CSNK1G2: variants seen among roughly 807,000 people sequenced by gnomAD.
CSNK1G2 encodes casein kinase 1 gamma 2.
Under a neutral mutation model 48.0 loss-of-function variants are expected in CSNK1G2, and 11 were observed. The ratio of observed to expected loss-of-function variants is 0.23; its 90% CI spans 0.14 to 0.38. The LOEUF (loss-of-function observed/expected upper bound fraction) is 0.38. Among genes scored for constraint, CSNK1G2 ranks in the 10% least tolerant of loss-of-function variants. CSNK1G2 has a pLI of 1.00. For missense variants in CSNK1G2, 446 were observed against 595.5 expected (o/e 0.75, Z 2.61); for synonymous variants, 337 against 254.1 (o/e 1.33, Z -3.10).
At chr19:1,950,472 TCAG>T (rs2014725305) in intron 1 of CSNK1G2, among the ~76,000 whole-genome samples, 1 of 147,006 alleles carries the variant, frequency 6.8e-6, no homozygotes, top group Non-Finnish European at 1.5e-5. Context: ...AAAAGAGAAC[TCAG>T]CAGTGTTGGA....
Position 1,978,777 on chromosome 19 carries a change from G to C in CSNK1G2, c.447+27G>C, listed in dbSNP as rs1475866943. 3.2e-6 allele frequency: 5 copies of C among 1,569,998 alleles called. No individual in the cohort carries two copies. In the African/African-American group the frequency reaches 6.8e-5, roughly 21 times the overall value. On this transcript the variant is annotated intron_variant, in intron 5 of 11. Transcript: ENST00000255641. The surrounding 1 kb of genome is among the most constrained non-coding windows in gnomAD (Gnocchi z 7.3). The stretch of plus-strand genomic sequence containing the variant: ...TGCGCGGCGGGCGGGGCGGGGCGGG[G>C]CTCGGAGGGAAGAGGGTGGCCCTGG...
intron 2 of CSNK1G2, chr19:1,975,240 G>A: frequency 1.0e-6 from 1 of 985,486 alleles, no homozygotes; most frequent in Non-Finnish European, 1.2e-6. Flanking sequence ...GCATCCGCCT[G>A]CCCGTCAGGG....
chr19:1,962,395 C>G (rs1203570101), intron 1 of CSNK1G2, among the ~76,000 whole-genome samples: 2 of 149,564 alleles, frequency 1.3e-5, no homozygotes, highest in African/African-American at 2.5e-5. Context: ...GTGGGGTCAC[C>G]ACAGCTCACG....
chr19:1,967,388 G>A (rs576569544), intron 1 of CSNK1G2, among the ~76,000 whole-genome samples: 6 of 152,278 alleles, frequency 3.9e-5, no homozygotes, highest in African/African-American at 1.4e-4. Context: ...GCACATCTGG[G>A]GCACAGCAGC....
rs1019301510 is a variant in CSNK1G2 at position 1,957,810 on chromosome 19, C to T, written c.-265-11698C>T. Reference sequence around the variant, plus strand: ...CCGTGTGTGGGGGGTATGTGCTCGGCGGGCGCCGTGTTTGTGGGGTGGGAG... The same window carrying T: ...CCGTGTGTGGGGGGTATGTGCTCGGTGGGCGCCGTGTTTGTGGGGTGGGAG... On this transcript the variant is annotated intron_variant, in intron 1 of 11. Coordinates refer to ENST00000255641, the MANE Select transcript of CSNK1G2 (RefSeq NM_001319.7). The surrounding 1 kb of genome is among the most constrained non-coding windows in gnomAD (Gnocchi z 5.4). 2.0e-5 allele frequency among the ~76,000 whole-genome samples: 3 copies of T among 150,748 alleles called. No homozygotes were observed. Among genetic ancestry groups the T allele is most frequent in the Non-Finnish European group, 4.4e-5 (3 of 67,630 alleles).
intron 1 of CSNK1G2, among the ~76,000 whole-genome samples, chr19:1,964,896 T>A (rs912627979): frequency 6.6e-5 from 10 of 151,468 alleles, no homozygotes; most frequent in Non-Finnish European, 1.3e-4. Flanking sequence ...CAGCTAATGT[T>A]TTTGTAATTT....
chr19:1,945,637 C>T (rs1489534087), intron 1 of CSNK1G2, among the ~76,000 whole-genome samples: 2 of 152,190 alleles, frequency 1.3e-5, no homozygotes, highest in South Asian at 2.1e-4. Context: ...GTCTGGCCAA[C>T]ATGGCAAAAC....
intron 1 of CSNK1G2, among the ~76,000 whole-genome samples, chr19:1,965,194 G>T (rs1440442447): frequency 2.0e-5 from 3 of 147,120 alleles, no homozygotes; most frequent in Admixed American, 6.8e-5. Context: ...AGGAGATCGA[G>T]ACCACAGTGA....
chr19:1,962,638 G>A (rs568502097), intron 1 of CSNK1G2, among the ~76,000 whole-genome samples: 1 of 152,310 alleles, frequency 6.6e-6, no homozygotes, highest in African/African-American at 2.4e-5. Flanking sequence ...GCTCCAGCCT[G>A]GGCGACAGAG....
intron 1 of CSNK1G2, among the ~76,000 whole-genome samples, chr19:1,967,627 G>A (rs998990940): frequency 5.3e-5 from 8 of 152,156 alleles, no homozygotes; most frequent in Middle Eastern, 3.4e-3. Flanking sequence ...CCACCCGAGC[G>A]TCCAGTTAAC....
rs998761535 is a variant in CSNK1G2 at position 1,971,891 on chromosome 19, T to A, written c.187+1932T>A. On this transcript the variant is annotated intron_variant, in intron 2 of 11. Coordinates refer to ENST00000255641, the MANE Select transcript of CSNK1G2 (RefSeq NM_001319.7). Reference sequence around the variant, plus strand: ...TTCACGCCATTCTCCTGCCTCAGCCTCCCGAGTAGCTGGGACTACAGGCGC... The same window carrying A: ...TTCACGCCATTCTCCTGCCTCAGCCACCCGAGTAGCTGGGACTACAGGCGC... Among the ~76,000 whole-genome samples the A allele has an allele frequency of 2.7e-5, 4 of 149,306 alleles. No individual in the cohort carries two copies. The Admixed American group carries it at 2.7e-4, about 10-fold the overall frequency.
intron 8 of CSNK1G2, 28 bp downstream of exon 8, chr19:1,979,431 T>TGGCGC: frequency 1.1e-6 from 1 of 938,054 alleles, no homozygotes; most frequent in Non-Finnish European, 1.6e-6. Context: ...CCCCGCCCTG[T>TGGCGC]GCCCCCCACC....
At chr19:1,967,666 G>C (rs78795858) in intron 1 of CSNK1G2, among the ~76,000 whole-genome samples, 16,615 of 128,290 alleles carry the variant, frequency 0.13, 3,511 homozygotes, top group African/African-American at 0.4. Flanking sequence ...CAGTTCTGCA[G>C]GTGGGGCTCC....
intron 1 of CSNK1G2, among the ~76,000 whole-genome samples, chr19:1,950,416 G>A (rs1031870357): frequency 1.4e-5 from 2 of 147,310 alleles, no homozygotes; most frequent in Non-Finnish European, 3.0e-5. Flanking sequence ...TGGGATTACA[G>A]GCGTGAGCCA....
chr19:1,978,697 C>T lies in CSNK1G2; in HGVS notation c.394C>T (p.Leu132=). The T allele has an allele frequency of 6.2e-7, 1 of 1,600,834 alleles. No individual in the cohort carries two copies. The highest frequency in any genetic ancestry group is 1.3e-5 in the African/African-American group (1 of 74,466). Residue 132 remains leucine (L), a synonymous_variant, in exon 5 of 12, where the codon CTG becomes TTG. Coordinates refer to ENST00000255641, the MANE Select transcript of CSNK1G2 (RefSeq NM_001319.7). This position sits in a 1 kb window ranked among gnomAD's most constrained non-coding sequence, Gnocchi z 7.3. ...GCCCAGCCTGGAGGACCTGTTCGAC[C>T]TGTGCGACCGGACCTTCACGCTCAA... is the stretch of plus-strand genomic sequence containing the variant. ...LGPSLEDLFD[L]CDRTFTLKTV... is the part of the protein sequence containing the mutation.
intron 2 of CSNK1G2, among the ~76,000 whole-genome samples, chr19:1,970,816 G>C (rs951964414): frequency 6.6e-6 from 1 of 152,334 alleles, no homozygotes; most frequent in East Asian, 1.9e-4. Flanking sequence ...GGGTCCCTGG[G>C]AAAGAGCGCA....
rs953165739 is a variant in CSNK1G2 at position 1,975,171 on chromosome 19, C to T, written c.188-3134C>T. 21 of 985,456 alleles carry T rather than the reference C, an allele frequency of 2.1e-5. No individual in the cohort carries two copies. In the African/African-American group the frequency reaches 2.6e-4, roughly 12 times the overall value. The allele number at this position is 985,456 out of a possible 1,614,324, so 61.0% of individuals were successfully genotyped here. A position where few individuals can be genotyped will look rare whatever the true frequency, so the allele number is the denominator to read the frequency against. ...CAGATGCATCAGAGCTTCAAAGGCC[C>T]GCCCATCAAGACGCTGCCAAGAGCA... is the stretch of plus-strand genomic sequence containing the variant. On this transcript the variant is annotated intron_variant, in intron 2 of 11. Transcript: ENST00000255641.
At chr19:1,951,599 T>A (rs2014764935) in intron 1 of CSNK1G2, among the ~76,000 whole-genome samples, 1 of 144,426 alleles carries the variant, frequency 6.9e-6, no homozygotes, top group Non-Finnish European at 1.5e-5. Context: ...TGGGCCAGGA[T>A]GGGGGATGCT....
intron 1 of CSNK1G2, among the ~76,000 whole-genome samples, chr19:1,944,672 C>A (rs531782203): frequency 2.9e-5 from 4 of 136,354 alleles, no homozygotes; most frequent in Non-Finnish European, 6.1e-5. Context: ...TGGGTCTGTC[C>A]GGGAGCTTGA....
Sources: gnomAD v4.1 joint callset for allele counts (sites outside exome capture counted in the v4.1 genomes callset) on GRCh38, gnomAD v4.1.1 for gene constraint, Gnocchi (gnomAD v3.1) non-coding constraint, MANE v1.5 for transcripts, NCBI Gene and HGNC (gene_info 2026-07-23, HGNC 2026-07-21) for gene names.